Variants in IL1RAPL1 observed in about 807,000 individuals in gnomAD.
The protein encoded by IL1RAPL1 is interleukin-1 receptor accessory protein-like 1.
In IL1RAPL1, 3 loss-of-function variants were observed where a neutral mutation model predicts 48.4. The ratio of observed to expected loss-of-function variants is 0.06; its 90% CI spans 0.03 to 0.16. IL1RAPL1 has a LOEUF of 0.16. IL1RAPL1 is among the 10% of genes least tolerant of loss of function. The probability of loss-of-function intolerance (pLI) is 1.00; values close to 1 mark genes in which losing one functional copy is unlikely to be tolerated. For missense variants in IL1RAPL1, 349 were observed against 530.6 expected (o/e 0.66, Z 3.36); for synonymous variants, 185 against 187.7 (o/e 0.99, Z 0.12).
intron 5 of IL1RAPL1, 84 bp downstream of exon 5, chrX:29,399,392 A>T: frequency 1.2e-6 from 1 of 811,620 alleles, no homozygotes; most frequent in Non-Finnish European, 1.8e-6. Context: ...TGATATTTTT[A>T]CTCTCTAAAG....
chrX:29,764,930 C>T (rs1038756605), intron 6 of IL1RAPL1, among the ~76,000 whole-genome samples: 31 of 112,083 alleles, frequency 2.8e-4, no homozygotes, highest in Non-Finnish European at 5.3e-4. Context: ...AGATACTAAA[C>T]TAGGACAAGA....
At position 28,617,919 on chromosome X, in the gene IL1RAPL1, A is replaced by G. The variant is rs180822525; in HGVS notation, c.-25+29872A>G. On this transcript the variant is annotated intron_variant, in intron 1 of 10. Transcript: ENST00000378993. ...TCATCAGTTCTTTATACACATCCCTATATCACTAACATTTTTTCTTATCCC... is the reference window on the plus strand; with the variant it reads ...TCATCAGTTCTTTATACACATCCCTGTATCACTAACATTTTTTCTTATCCC... Among the ~76,000 whole-genome samples, 66 of 111,646 alleles carry G rather than the reference A, an allele frequency of 5.9e-4. 3 individuals are homozygous for G. In the East Asian group the frequency reaches 0.018, roughly 31 times the overall value.
At chrX:28,970,514 A>G (rs1375544094) in intron 2 of IL1RAPL1, among the ~76,000 whole-genome samples, 1 of 111,943 alleles carries the variant, frequency 8.9e-6, no homozygotes, top group Admixed American at 9.5e-5. Context: ...AATTGTGTCA[A>G]TTGGATGTTC....
intron 2 of IL1RAPL1, among the ~76,000 whole-genome samples, chrX:28,971,876 T>TTTTGTGTGTG (rs768970165): frequency 1.1e-4 from 9 of 84,488 alleles, no homozygotes; most frequent in Non-Finnish European, 2.0e-4. Context: ...ACTCTGAAAA[T>TTTTGTGTGTG]TGTGTGTGTG....
chrX:28,857,976 G>T (rs2147300680), intron 2 of IL1RAPL1, among the ~76,000 whole-genome samples: 1 of 111,929 alleles, frequency 8.9e-6, no homozygotes, highest in East Asian at 2.8e-4. Context: ...ATTCATGGGA[G>T]GAGGTCAAAA....
chrX:29,898,051 A>G (rs1038501923), intron 6 of IL1RAPL1, among the ~76,000 whole-genome samples: 5 of 112,194 alleles, frequency 4.5e-5, no homozygotes, highest in Non-Finnish European at 9.4e-5. Flanking sequence ...ATAACAAAGA[A>G]GTAACTGAGA....
At chrX:29,887,766 G>T (rs1422012766) in intron 6 of IL1RAPL1, among the ~76,000 whole-genome samples, 1 of 111,066 alleles carries the variant, frequency 9.0e-6, no homozygotes, top group Non-Finnish European at 1.9e-5. Context: ...CAGGCTATTG[G>T]TAGATAGTTT....
intron 5 of IL1RAPL1, among the ~76,000 whole-genome samples, chrX:29,446,795 A>G (rs1305149498): frequency 9.0e-6 from 1 of 111,632 alleles, no homozygotes; most frequent in Non-Finnish European, 1.9e-5. Context: ...TGCCCAGTAT[A>G]ATTTAGAATG....
At chrX:29,833,714 A>T (rs1439219673) in intron 6 of IL1RAPL1, among the ~76,000 whole-genome samples, 1 of 111,767 alleles carries the variant, frequency 8.9e-6, no homozygotes, top group African/African-American at 3.2e-5. Context: ...GTTAATAGTG[A>T]CTGACTAGAG....
At chrX:28,920,455 T>C (rs1923589194) in intron 2 of IL1RAPL1, among the ~76,000 whole-genome samples, 1 of 111,974 alleles carries the variant, frequency 8.9e-6, no homozygotes, top group Non-Finnish European at 1.9e-5. Flanking sequence ...AAGTACTATT[T>C]TTCCCACCTA....
chrX:28,891,978 A>C (rs1438860898), intron 2 of IL1RAPL1, among the ~76,000 whole-genome samples: 1 of 111,862 alleles, frequency 8.9e-6, no homozygotes, highest in Non-Finnish European at 1.9e-5. Flanking sequence ...AATGATACAG[A>C]ACATATTTTC....
At chrX:29,551,012 G>A (rs1175225716) in intron 5 of IL1RAPL1, among the ~76,000 whole-genome samples, 1 of 111,798 alleles carries the variant, frequency 8.9e-6, no homozygotes, top group Non-Finnish European at 1.9e-5. Context: ...TCTATTTTCT[G>A]TCTCTATGAA....
intron 5 of IL1RAPL1, among the ~76,000 whole-genome samples, chrX:29,422,831 AGTC>A (rs1267304440): frequency 9.0e-6 from 1 of 111,408 alleles, no homozygotes; most frequent in Non-Finnish European, 1.9e-5. Flanking sequence ...CAAAAATAAA[AGTC>A]TAAGCCCCAC....
intron 1 of IL1RAPL1, among the ~76,000 whole-genome samples, chrX:28,718,470 CTG>C (rs1935530849): frequency 2.7e-5 from 3 of 111,303 alleles, no homozygotes; most frequent in African/African-American, 9.8e-5. Flanking sequence ...TTTCTATGAA[CTG>C]TGGAGATTTT....
chrX:29,480,999 CTCAG>C (rs1386815689), intron 5 of IL1RAPL1, among the ~76,000 whole-genome samples: 2 of 111,797 alleles, frequency 1.8e-5, no homozygotes, highest in African/African-American at 3.3e-5. Flanking sequence ...TACTTGGTGA[CTCAG>C]TCAATTTAAT....
chrX:29,872,693 C>T (rs1931823193), intron 6 of IL1RAPL1, among the ~76,000 whole-genome samples: 1 of 111,758 alleles, frequency 8.9e-6, no homozygotes, highest in Non-Finnish European at 1.9e-5. Context: ...CTAACAATCT[C>T]TTCTTTTTGC....
chrX:29,176,181 C>T (rs1157889096), intron 2 of IL1RAPL1, among the ~76,000 whole-genome samples: 1 of 104,820 alleles, frequency 9.5e-6, no homozygotes, highest in Admixed American at 1.0e-4. Context: ...ACAAGCTCCA[C>T]CTCCCGGGTT....
chrX:29,205,747 T>A (rs779458353), intron 2 of IL1RAPL1, among the ~76,000 whole-genome samples: 27 of 109,844 alleles, frequency 2.5e-4, no homozygotes, highest in African/African-American at 8.9e-4. Flanking sequence ...TATTATTATT[T>A]TTTTTGAGAT....
intron 6 of IL1RAPL1, among the ~76,000 whole-genome samples, chrX:29,701,138 A>G (rs1390589709): frequency 1.8e-5 from 2 of 111,959 alleles, no homozygotes; most frequent in African/African-American, 6.5e-5. Context: ...TTATGCTTCA[A>G]AGAAAATGAC....
Sources: allele counts gnomAD v4.1 joint callset (sites outside exome capture counted in the v4.1 genomes callset), GRCh38; gene constraint gnomAD v4.1.1; transcripts MANE v1.5; gene names NCBI Gene and HGNC (gene_info 2026-07-23, HGNC 2026-07-21).